Variants in R3HDM2 observed in about 807,000 individuals in gnomAD.
R3HDM2 encodes the protein R3H domain containing 2.
Under a neutral mutation model 124.5 loss-of-function variants are expected in R3HDM2, and 38 were observed. That is an observed-to-expected ratio of 0.31 (90% CI 0.24 to 0.40). The LOEUF (loss-of-function observed/expected upper bound fraction) is 0.40. R3HDM2 is among the 10% of genes least tolerant of loss of function. The probability of loss-of-function intolerance (pLI) is 1.00; values close to 1 mark genes in which losing one functional copy is unlikely to be tolerated. For missense variants in R3HDM2, 869 were observed against 1,236.9 expected (o/e 0.70, Z 4.46); for synonymous variants, 391 against 448.0 (o/e 0.87, Z 1.61).
At chr12:57,397,841 C>T (rs2067699952) in intron 1 of R3HDM2, among the ~76,000 whole-genome samples, 2 of 152,168 alleles carry the variant, frequency 1.3e-5, no homozygotes, top group Non-Finnish European at 1.5e-5. Context: ...TCAAGAGCAA[C>T]ATAATTTTGA....
At chr12:57,389,878 T>A (rs1450650681) in intron 2 of R3HDM2, among the ~76,000 whole-genome samples, 1 of 152,226 alleles carries the variant, frequency 6.6e-6, no homozygotes, top group Non-Finnish European at 1.5e-5. Context: ...CATCATCTTG[T>A]GCTATGGTAG....
At chr12:57,409,396 T>C (rs929185240) in intron 1 of R3HDM2, among the ~76,000 whole-genome samples, 1 of 151,964 alleles carries the variant, frequency 6.6e-6, no homozygotes, top group Non-Finnish European at 1.5e-5. Flanking sequence ...ATGAGCATAT[T>C]TATACTCTGT....
chr12:57,273,086 C>T (rs2043949701), intron 14 of R3HDM2, among the ~76,000 whole-genome samples: 1 of 152,110 alleles, frequency 6.6e-6, no homozygotes, highest in African/African-American at 2.4e-5. Flanking sequence ...AGGAAATACT[C>T]ATTCACAAGG....
Position 57,284,001 on chromosome 12 carries a change from T to C in R3HDM2, c.994A>G (p.Ser332Gly), listed in dbSNP as rs1392458406. The change falls in exon 13 of 24, where the codon AGC (serine) becomes GGC (glycine). Residue 332 changes from serine to glycine, a missense_variant. Coordinates refer to ENST00000402412, the MANE Select transcript of R3HDM2 (RefSeq NM_001394031.1). ...CGTGGCTCCAGGGATTTGAGTTCGC[T>C]GTCTGTGCTGCTCTGGCGGCTGCTT... Reference protein sequence around the residue: ...TSSSRQSSTDSELKSLEPRPW... With the variant: ...TSSSRQSSTDGELKSLEPRPW... The C allele has an allele frequency of 6.2e-7, 1 of 1,613,792 alleles. No homozygotes were observed. Among genetic ancestry groups the C allele is most frequent in the Non-Finnish European group, 8.5e-7 (1 of 1,179,810 alleles).
At chr12:57,338,148 A>G (rs2059107056) in intron 2 of R3HDM2, among the ~76,000 whole-genome samples, 1 of 152,172 alleles carries the variant, frequency 6.6e-6, no homozygotes, top group Admixed American at 6.5e-5. Flanking sequence ...TACTAAAAAT[A>G]CAAAATTATC....
At chr12:57,280,564 A>C in intron 13 of R3HDM2, 34 bp from the exon 14 acceptor site, 1 of 1,555,688 alleles carries the variant, frequency 6.4e-7, no homozygotes, top group South Asian at 1.2e-5. Flanking sequence ...AAAAGTTGTA[A>C]GCATAAGCCA....
intron 1 of R3HDM2, among the ~76,000 whole-genome samples, chr12:57,424,243 C>T (rs761790782): frequency 6.6e-5 from 10 of 151,966 alleles, no homozygotes; most frequent in Middle Eastern, 3.4e-3. Context: ...CTGCAACTTC[C>T]GCCTTCCAGG....
chr12:57,265,734 A>G (rs2042192428), intron 19 of R3HDM2, among the ~76,000 whole-genome samples: 1 of 151,530 alleles, frequency 6.6e-6, no homozygotes, highest in African/African-American at 2.4e-5. Context: ...TCCCAGGCTC[A>G]AGCGATTGTT....
chr12:57,345,712 ATTTAT>A (rs564434436), intron 2 of R3HDM2, among the ~76,000 whole-genome samples: 159 of 151,934 alleles, frequency 1.0e-3, no homozygotes, highest in African/African-American at 3.7e-3. Context: ...CCTAATCTAT[ATTTAT>A]TTTATTTTTT....
chr12:57,302,702 G>GA (rs934053659), intron 4 of R3HDM2, among the ~76,000 whole-genome samples: 2 of 147,558 alleles, frequency 1.4e-5, no homozygotes, highest in Non-Finnish European at 3.0e-5. Context: ...ACATTAGGGG[G>GA]AAAAAAAAGC....
intron 6 of R3HDM2, 111 bp downstream of exon 6, chr12:57,299,241 T>G: frequency 7.9e-7 from 1 of 1,260,354 alleles, no homozygotes; most frequent in Non-Finnish European, 1.1e-6. Flanking sequence ...GCAACCAAGT[T>G]AGCAGAACAC....
chr12:57,292,123 A>G (rs1565998510), intron 11 of R3HDM2, among the ~76,000 whole-genome samples: 1 of 152,232 alleles, frequency 6.6e-6, no homozygotes, highest in Non-Finnish European at 1.5e-5. Flanking sequence ...ACAATCACCA[A>G]CATATCCTAA....
At chr12:57,317,177 A>G (rs1441394032) in intron 2 of R3HDM2, among the ~76,000 whole-genome samples, 1 of 146,494 alleles carries the variant, frequency 6.8e-6, no homozygotes, top group Non-Finnish European at 1.5e-5. Context: ...CACCTTGCCC[A>G]GGCTTTTTGT....
At chr12:57,401,307 G>A (rs1159394041) in intron 1 of R3HDM2, among the ~76,000 whole-genome samples, 2 of 151,784 alleles carry the variant, frequency 1.3e-5, no homozygotes, top group East Asian at 1.9e-4. Flanking sequence ...TCAAGAGGCC[G>A]TTCAGTTTCC....
chr12:57,282,089 C>T (rs1394409303), intron 13 of R3HDM2, among the ~76,000 whole-genome samples: 1 of 152,048 alleles, frequency 6.6e-6, no homozygotes, highest in Admixed American at 6.6e-5. Flanking sequence ...GTGGGTGGAT[C>T]ACCTGACATC....
chr12:57,293,910 A>G (rs529784396), intron 10 of R3HDM2, among the ~76,000 whole-genome samples: 33 of 152,356 alleles, frequency 2.2e-4, no homozygotes, highest in African/African-American at 7.7e-4. Flanking sequence ...ACAGGGCCTC[A>G]AGGAGCTATA....
rs2050290313 is a variant in R3HDM2 at position 57,298,131 on chromosome 12, G to A, written c.459C>T (p.Asp153=). The change falls in exon 7 of 24, where the codon GAC becomes GAT. Residue 153 remains aspartate (D), a synonymous_variant. Coordinates refer to ENST00000402412, the MANE Select transcript of R3HDM2 (RefSeq NM_001394031.1). ...SQEYTDSTGI[D]LHEFLVNTLK... Reference sequence around the variant, plus strand: ...GTGTATTTACAAGAAATTCATGTAGGTCTATTCCAGTGGAGTCCGTATATT... The same window carrying A: ...GTGTATTTACAAGAAATTCATGTAGATCTATTCCAGTGGAGTCCGTATATT... 6.4e-7 allele frequency: 1 copy of A among 1,551,046 alleles called. No individual in the cohort carries two copies. Among genetic ancestry groups the A allele is most frequent in the Non-Finnish European group, 8.7e-7 (1 of 1,146,698 alleles).
chr12:57,313,882 G>GAAA (rs869177467), intron 2 of R3HDM2, among the ~76,000 whole-genome samples: 6 of 60,496 alleles, frequency 9.9e-5, no homozygotes, highest in East Asian at 4.6e-4. Flanking sequence ...TCCTGTCTCT[G>GAAA]AAAAAAAAAA....
At chr12:57,368,036 C>G (rs2062866316) in intron 2 of R3HDM2, among the ~76,000 whole-genome samples, 1 of 151,252 alleles carries the variant, frequency 6.6e-6, no homozygotes, top group Admixed American at 6.6e-5. Flanking sequence ...AACCGTGTTT[C>G]TTTTGTGATT....
Sources: allele counts gnomAD v4.1 joint callset (sites outside exome capture counted in the v4.1 genomes callset), GRCh38; gene constraint gnomAD v4.1.1; transcripts MANE v1.5; gene names NCBI Gene and HGNC (gene_info 2026-07-23, HGNC 2026-07-21).